Variants in SECISBP2 observed in about 807,000 individuals in gnomAD.
SECISBP2 encodes the protein selenocysteine insertion sequence-binding protein 2.
SECISBP2 carries 96 observed loss-of-function variants against 98.2 expected under a neutral mutation model. The ratio of observed to expected loss-of-function variants is 0.98; its 90% CI spans 0.83 to 1.16. The LOEUF (loss-of-function observed/expected upper bound fraction) is 1.16, where lower values mean the gene tolerates loss of function less well. Ranked by LOEUF, SECISBP2 falls within the 50% of genes most tolerant of loss-of-function variation. The probability of loss-of-function intolerance (pLI) is 0.00; values close to 1 mark genes in which losing one functional copy is unlikely to be tolerated. For synonymous variants in SECISBP2, 407 were observed against 370.2 expected (o/e 1.10, Z -1.14); for missense variants, 1,046 against 1,022.9 (o/e 1.02, Z -0.31).
chr9:89,328,619 T>A, intron 4 of SECISBP2, 41 bp from the exon 5 acceptor site: 2 of 1,553,496 alleles, frequency 1.3e-6, no homozygotes, highest in South Asian at 2.2e-5. Flanking sequence ...CATCAAACAG[T>A]AACTAAATTT....
At chr9:89,331,776 T>C (rs768017586) in intron 5 of SECISBP2, among the ~76,000 whole-genome samples, 1 of 152,212 alleles carries the variant, frequency 6.6e-6, no homozygotes, top group Non-Finnish European at 1.5e-5. Context: ...TTAAGAATTG[T>C]GTGGTGCATC....
In SECISBP2 at chr9:89,348,212, C is replaced by G; in HGVS notation, c.1736C>G (p.Ser579Ter). The G allele has an allele frequency of 6.2e-7, 1 of 1,614,148 alleles. No individual in the cohort carries two copies. Among genetic ancestry groups the G allele is most frequent in the Non-Finnish European group, 8.5e-7 (1 of 1,180,002 alleles). ...DDQFPEQAEL[S>*]GPEGMDELIS... Reference sequence around the variant, plus strand: ...CAGTTTCCCGAGCAGGCAGAGCTGTCAGGTACCAACTTCTCTTTGTGCCTT... The same window carrying G: ...CAGTTTCCCGAGCAGGCAGAGCTGTGAGGTACCAACTTCTCTTTGTGCCTT... Residue 579 changes from serine (S) to a stop codon, truncating the protein, a stop_gained and splice_region_variant, in exon 12 of 17, where the codon TCA becomes TGA. Transcript: ENST00000375807. LOFTEE classifies it high-confidence loss of function.
chr9:89,321,177 T>C (rs145939525), intron 2 of SECISBP2, among the ~76,000 whole-genome samples: 297 of 152,356 alleles, frequency 1.9e-3, no homozygotes, highest in African/African-American at 6.7e-3. Flanking sequence ...ACTTGAGTTG[T>C]TCCCTACCTT....
In SECISBP2 at chr9:89,339,934, A is replaced by G; in HGVS notation, c.1283A>G (p.Gln428Arg). Residue 428 changes from glutamine (Q) to arginine (R), a missense_variant, in exon 9 of 17, where the codon CAA (glutamine) becomes CGA (arginine). By Grantham distance (43) the Gln-to-Arg change is conservative. Transcript: ENST00000375807. ...RRDRIETPKF[Q>R]SKQQPQDNFK... ...GACAGAATAGAGACACCGAAATTTC[A>G]ATCTAAGCAGCAGCCACAGGTAATT... is the stretch of plus-strand genomic sequence containing the variant. 2 of 1,612,964 alleles carry G rather than the reference A, an allele frequency of 1.2e-6. No homozygotes were observed. Among genetic ancestry groups the G allele is most frequent in the Non-Finnish European group, 1.7e-6 (2 of 1,179,092 alleles).
chr9:89,343,447 G>A (rs112290387), intron 10 of SECISBP2, among the ~76,000 whole-genome samples: 6 of 151,886 alleles, frequency 4.0e-5, no homozygotes, highest in African/African-American at 1.2e-4. Context: ...ATTTTGTCAC[G>A]CAGGTACTAA....
chr9:89,331,850 A>G lies in SECISBP2; in HGVS notation c.802-1058A>G, dbSNP rs906742560. 8.5e-5 allele frequency among the ~76,000 whole-genome samples: 13 copies of G among 152,184 alleles called. No homozygotes were observed. In the East Asian group the frequency reaches 2.1e-3, roughly 25 times the overall value. On this transcript the variant is annotated intron_variant, in intron 5 of 16. Coordinates refer to ENST00000375807, the MANE Select transcript of SECISBP2 (RefSeq NM_024077.5). ...TTTTTTTAAAAGTTGCCACAATACTATGTGTGGTGTGATTCCATTATGGGA... is the reference window on the plus strand; with the variant it reads ...TTTTTTTAAAAGTTGCCACAATACTGTGTGTGGTGTGATTCCATTATGGGA...
At chr9:89,349,614 G>A (rs749716616) in intron 12 of SECISBP2, among the ~76,000 whole-genome samples, 162 bp from the exon 13 acceptor site, 1 of 152,218 alleles carries the variant, frequency 6.6e-6, no homozygotes, top group Non-Finnish European at 1.5e-5. Flanking sequence ...AGGCATCCTC[G>A]TCTGTTTTTT....
chr9:89,363,921 T>C, downstream of SECISBP2: 2 of 1,614,046 alleles, frequency 1.2e-6, no homozygotes, highest in Admixed American at 1.7e-5. Flanking sequence ...CGCCCATTCT[T>C]CTCCCAGACA....
At chr9:89,326,604 C>CAGGTTA (rs1564331983) in intron 4 of SECISBP2, among the ~76,000 whole-genome samples, 2 of 152,192 alleles carry the variant, frequency 1.3e-5, no homozygotes, top group African/African-American at 4.8e-5. Context: ...GCTGCACAAT[C>CAGGTTA]AGGTTAAGGT....
In SECISBP2 at chr9:89,338,585, A is replaced by C. The variant is rs758431590; in HGVS notation, c.1212+5A>C. ...CAAGAGCCTCCAAGGATTGAAGTACATTTATATTTTTTATTCACATGGTGT... is the reference window on the plus strand; with the variant it reads ...CAAGAGCCTCCAAGGATTGAAGTACCTTTATATTTTTTATTCACATGGTGT... On this transcript the variant is annotated splice_donor_5th_base_variant and intron_variant, in intron 8 of 16. Transcript: ENST00000375807. The C allele has an allele frequency of 3.1e-6, 5 of 1,611,088 alleles. No homozygotes were observed. The highest frequency in any genetic ancestry group is 4.2e-6 in the Non-Finnish European group (5 of 1,179,268).
chr9:89,343,264 A>T (rs1238959012), intron 10 of SECISBP2, among the ~76,000 whole-genome samples: 1 of 152,170 alleles, frequency 6.6e-6, no homozygotes, highest in East Asian at 1.9e-4. Flanking sequence ...TTTCCACCAT[A>T]GGCTTTTAGA....
intron 2 of SECISBP2, among the ~76,000 whole-genome samples, chr9:89,320,773 CA>C (rs1564305681): frequency 6.6e-6 from 1 of 151,988 alleles, no homozygotes; most frequent in South Asian, 2.1e-4. Flanking sequence ...TGAATTTAGA[CA>C]AAAAAAGTAT....
intron 2 of SECISBP2, chr9:89,322,095 G>C (rs1196322901): frequency 2.0e-5 from 3 of 152,290 alleles, no homozygotes; most frequent in African/African-American, 7.2e-5. Context: ...CTTTCACAGT[G>C]CACTCAAAGA....
At chr9:89,347,326 G>T (rs1385685691) in intron 11 of SECISBP2, among the ~76,000 whole-genome samples, 1 of 152,066 alleles carries the variant, frequency 6.6e-6, no homozygotes, top group African/African-American at 2.4e-5. Context: ...ACCAGAAATG[G>T]GAGGAGTTGC....
intron 13 of SECISBP2, among the ~76,000 whole-genome samples, chr9:89,350,202 A>G (rs1831068163): frequency 6.6e-6 from 1 of 152,190 alleles, no homozygotes; most frequent in Non-Finnish European, 1.5e-5. Flanking sequence ...GTGACCGTGC[A>G]TCATCTTTGG....
At position 89,338,371 on chromosome 9, in the gene SECISBP2, G is replaced by A. The variant is rs531052146; in HGVS notation, c.1090-87G>A. The A allele has an allele frequency of 4.5e-5, 65 of 1,456,052 alleles. No homozygotes were observed. In the African/African-American group the frequency reaches 8.2e-4, roughly 18 times the overall value. The allele number at this position is 1,456,052 out of a possible 1,614,324, so 90.2% of individuals were successfully genotyped here. On this transcript the variant is annotated intron_variant, in intron 7 of 16. Transcript: ENST00000375807. ...AAATTGTCATGTGATTATAGGACTT[G>A]ATATCTTAATTTTGTTGATACATAG...
chr9:89,359,790 C>G (rs1832620849), downstream of SECISBP2: 1 of 152,122 alleles, frequency 6.6e-6, no homozygotes, highest in South Asian at 2.1e-4. Context: ...CCCCAGCACT[C>G]CTAGGTCTGG....
At chr9:89,322,884 G>A (rs889370000) in intron 2 of SECISBP2, 10 of 152,136 alleles carry the variant, frequency 6.6e-5, no homozygotes, top group Admixed American at 1.3e-4. Flanking sequence ...AAAGTTTTAG[G>A]TTTGCTGGGT....
intron 5 of SECISBP2, chr9:89,330,234 T>TA (rs1335830821): frequency 6.6e-6 from 1 of 152,226 alleles, no homozygotes; most frequent in African/African-American, 2.4e-5. Context: ...CAGGAAAACT[T>TA]ATTACAGCAG....
Sources: allele counts gnomAD v4.1 joint callset (sites outside exome capture counted in the v4.1 genomes callset), GRCh38; gene constraint gnomAD v4.1.1; transcripts MANE v1.5; gene names NCBI Gene and HGNC (gene_info 2026-07-23, HGNC 2026-07-21).